The following ATP6V0C variants were observed in gnomAD, a reference collection of about 807,000 sequenced individuals.
The protein encoded by ATP6V0C is ATPase H+ transporting V0 subunit c.
ATP6V0C carries 2 observed loss-of-function variants against 10.6 expected under a neutral mutation model. The ratio of observed to expected loss-of-function variants is 0.19; its 90% CI spans 0.08 to 0.59. The LOEUF (loss-of-function observed/expected upper bound fraction) is 0.59, where lower values mean the gene tolerates loss of function less well. Among genes scored for constraint, ATP6V0C ranks in the 20% least tolerant of loss-of-function variants. The probability of loss-of-function intolerance (pLI) is 0.90; values close to 1 mark genes in which losing one functional copy is unlikely to be tolerated. For synonymous variants in ATP6V0C, 128 were observed against 101.3 expected, an observed-to-expected ratio of 1.26 and a Z score of -1.59; for missense variants, 89 against 225.9, an observed-to-expected ratio of 0.39 and a Z score of 3.88.
chr16:2,516,096 GC>G (rs1338116710), intron 1 of ATP6V0C, among the ~76,000 whole-genome samples: 1 of 144,402 alleles, frequency 6.9e-6, no homozygotes, highest in African/African-American at 2.6e-5. Flanking sequence ...TCAGACAACT[GC>G]TTTTTTTTTT....
chr16:2,519,391 A>G lies in ATP6V0C; in HGVS notation c.253A>G (p.Ser85Gly), dbSNP rs1395225089. The G allele has an allele frequency of 1.2e-6, 2 of 1,613,064 alleles. No homozygotes were observed. Residue 85 changes from serine to glycine, a missense_variant, in exon 2 of 3, where the codon AGC (serine) becomes GGC (glycine). Physicochemically the swap from Ser to Gly is moderately conservative, Grantham distance 56. This residue lies in a region of ATP6V0C where 20 missense variants were observed against 20.5 expected (regional missense o/e 0.98). Transcript: ENST00000330398. ...CGCCAACTCCCTGAATGACGACATC[A>G]GCCTCTACAAGTGAGCACTGGGGTC... ...LIANSLNDDI[S>G]LYKSFLQLGA...
chr16:2,517,563 C>G (rs961984046), intron 1 of ATP6V0C: 1 of 152,278 alleles, frequency 6.6e-6, no homozygotes, highest in East Asian at 1.9e-4. Context: ...GAGGTCACCG[C>G]GCCTGTGTCC....
intron 1 of ATP6V0C, among the ~76,000 whole-genome samples, chr16:2,515,407 CA>C (rs2065872267): frequency 6.6e-6 from 1 of 152,210 alleles, no homozygotes; most frequent in Non-Finnish European, 1.5e-5. Flanking sequence ...GTTTGAACTC[CA>C]AACAGTCTCT....
At chr16:2,515,013 T>C (rs1052397302) in intron 1 of ATP6V0C, among the ~76,000 whole-genome samples, 1 of 152,124 alleles carries the variant, frequency 6.6e-6, no homozygotes, top group African/African-American at 2.4e-5. Context: ...CTTCCAGTTG[T>C]GGTCCTAATG....
In ATP6V0C at chr16:2,519,397, T is replaced by C; in HGVS notation, c.259T>C (p.Tyr87His). 6.2e-7 allele frequency: 1 copy of C among 1,612,796 alleles called. No individual in the cohort carries two copies. Among genetic ancestry groups the C allele is most frequent in the African/African-American group, 1.3e-5 (1 of 75,032 alleles). ...ANSLNDDISL[Y>H]KSFLQLGAGL... is the part of the protein sequence containing the mutation. ...CTCCCTGAATGACGACATCAGCCTC[T>C]ACAAGTGAGCACTGGGGTCAGGCCC... The change falls in exon 2 of 3, where the codon TAC (tyrosine) becomes CAC (histidine). Residue 87 changes from tyrosine to histidine, a missense_variant. Transcript: ENST00000330398.
At chr16:2,514,682 C>G (rs1213943369) in intron 1 of ATP6V0C, among the ~76,000 whole-genome samples, 1 of 152,138 alleles carries the variant, frequency 6.6e-6, no homozygotes, top group Non-Finnish European at 1.5e-5. Context: ...GGGAGGTCCT[C>G]AGCCCTCGCC....
chr16:2,518,762 C>T (rs774809753), intron 1 of ATP6V0C, among the ~76,000 whole-genome samples: 14 of 152,222 alleles, frequency 9.2e-5, no homozygotes, highest in Non-Finnish European at 1.9e-4. Context: ...CCTCCGGTCA[C>T]ACCCTGTAGC....
At chr16:2,515,500 AT>A (rs1174832605) in intron 1 of ATP6V0C, among the ~76,000 whole-genome samples, 2 of 151,970 alleles carry the variant, frequency 1.3e-5, no homozygotes, top group Non-Finnish European at 2.9e-5. Flanking sequence ...CCTGTCTGCC[AT>A]TCGTGAGTGA....
chr16:2,513,931 C>T (rs1321163458), upstream of ATP6V0C: 3 of 568,624 alleles, frequency 5.3e-6, no homozygotes, highest in Admixed American at 3.6e-5. Flanking sequence ...GGTCATGTGA[C>T]GCGGCCGCGG....
chr16:2,519,856 C>A lies in ATP6V0C; in HGVS notation c.*111C>A. 7.3e-7 allele frequency: 1 copy of A among 1,375,472 alleles called. No individual in the cohort carries two copies. The highest frequency in any genetic ancestry group is 1.2e-5 in the South Asian group (1 of 84,446). 85.2% of individuals were successfully genotyped at this position (1,375,472 alleles called of 1,614,324 possible). A position where few individuals can be genotyped will look rare whatever the true frequency, so the allele number is the denominator to read the frequency against. ...GGGGCCGCCGCCCCCAGTAGTTGGT[C>A]TTGTACATGCGCAGTGTCCTAGTGC... On this transcript the variant is annotated 3_prime_UTR_variant, in exon 3 of 3. Transcript: ENST00000330398.
intron 1 of ATP6V0C, 34 bp downstream of exon 1, chr16:2,514,216 G>C (rs1332363023): frequency 5.3e-6 from 8 of 1,520,860 alleles, no homozygotes; most frequent in Non-Finnish European, 7.1e-6. Flanking sequence ...TCGGGGGCGG[G>C]GGCGCGCGCG....
chr16:2,514,122 G>C lies in ATP6V0C; in HGVS notation c.19G>C (p.Gly7Arg). Residue 7 changes from glycine (G) to arginine (R), a missense_variant, in exon 1 of 3, where the codon GGC becomes CGC. By Grantham distance (125) the Gly-to-Arg change is moderately radical. Coordinates refer to ENST00000330398, the MANE Select transcript of ATP6V0C (RefSeq NM_001694.4). The part of the protein sequence containing the change: MSESKS[G>R]PEYASFFAVM... ...CGCAGACATGTCCGAGTCCAAGAGC[G>C]GCCCCGAGTATGCTTCGTTTTTCGC... is the stretch of plus-strand genomic sequence containing the variant. 6.3e-7 allele frequency: 1 copy of C among 1,586,222 alleles called. No homozygotes were observed. The highest frequency in any genetic ancestry group is 8.6e-7 in the Non-Finnish European group (1 of 1,167,390).
At chr16:2,514,849 G>C (rs1030671482) in intron 1 of ATP6V0C, among the ~76,000 whole-genome samples, 1 of 152,204 alleles carries the variant, frequency 6.6e-6, no homozygotes, top group Admixed American at 6.5e-5. Flanking sequence ...GGAGACCCGG[G>C]TGGGAGTGTG....
intron 1 of ATP6V0C, chr16:2,516,725 C>T (rs1015776711): frequency 1.3e-5 from 2 of 152,402 alleles, no homozygotes; most frequent in Non-Finnish European, 2.9e-5. Context: ...TTCTGTATTT[C>T]CTGTGACTTC....
upstream of ATP6V0C, chr16:2,513,763 A>C (rs1163010459): frequency 1.2e-5 from 2 of 171,890 alleles, no homozygotes; most frequent in South Asian, 3.9e-4. Context: ...CGGCGCCCGG[A>C]AACACCCGCG....
intron 1 of ATP6V0C, among the ~76,000 whole-genome samples, chr16:2,516,025 C>T (rs142879169): frequency 9.2e-4 from 139 of 151,262 alleles, no homozygotes; most frequent in African/African-American, 3.3e-3. Flanking sequence ...CCTGGCTCTT[C>T]GGGATAAACG....
rs2065865656 is a variant in ATP6V0C at position 2,514,278 on chromosome 16, T to C, written c.79+96T>C. On this transcript the variant is annotated intron_variant, in intron 1 of 2. Coordinates refer to ENST00000330398, the MANE Select transcript of ATP6V0C (RefSeq NM_001694.4). ...TCCGGTGTGTGACGTCACTCTGACG[T>C]AATCCCGAGCTGTCGGGGGCGCCCG... The C allele has an allele frequency of 6.8e-6, 9 of 1,329,396 alleles. 1 individual carries two copies. The Middle Eastern group carries it at 1.3e-3, about 195-fold the overall frequency. 82.4% of individuals were successfully genotyped at this position (1,329,396 alleles called of 1,614,324 possible). A position where few individuals can be genotyped will look rare whatever the true frequency, so the allele number is the denominator to read the frequency against.
intron 1 of ATP6V0C, among the ~76,000 whole-genome samples, chr16:2,515,261 T>TCTCAGCCTCCGTGGACTGGCCTGGC (rs1203890099): frequency 6.1e-4 from 93 of 152,318 alleles, no homozygotes; most frequent in African/African-American, 1.7e-3. Flanking sequence ...TCTGGCCCAG[T>TCTCAGCCTCCGTGGACTGGCCTGGC]CTCAGCCTCC....
upstream of ATP6V0C, chr16:2,513,799 C>A: frequency 4.9e-6 from 1 of 205,698 alleles, no homozygotes; most frequent in Non-Finnish European, 9.7e-6. Context: ...CGGGGCCGGG[C>A]GCCGGGGCCG....
Sources: allele counts gnomAD v4.1 joint callset (sites outside exome capture counted in the v4.1 genomes callset), GRCh38; gene constraint gnomAD v4.1.1; regional missense constraint gnomAD v4.1.1; transcripts MANE v1.5; gene names NCBI Gene and HGNC (gene_info 2026-07-23, HGNC 2026-07-21).